The following PTCHD4 variants were observed in gnomAD, a reference collection of about 807,000 sequenced individuals.
PTCHD4 encodes patched domain-containing protein 4.
A neutral mutation model predicts 58.1 loss-of-function variants in PTCHD4; 33 were observed. The observed-to-expected ratio is 0.57, with a 90% confidence interval of 0.43 to 0.76. The LOEUF (loss-of-function observed/expected upper bound fraction) is 0.76, where lower values mean the gene tolerates loss of function less well. Among genes scored for constraint, PTCHD4 ranks in the 30% least tolerant of loss-of-function variants. The pLI, the probability that PTCHD4 is intolerant of heterozygous loss-of-function variation, is 0.00. For synonymous variants in PTCHD4, 478 were observed against 409.6 expected (o/e 1.17, Z -2.02); for missense variants, 1,058 against 1,027.1 (o/e 1.03, Z -0.41).
intron 4 of PTCHD4, among the ~76,000 whole-genome samples, chr6:47,993,603 T>C (rs1314661119): frequency 6.6e-6 from 1 of 152,162 alleles, no homozygotes; most frequent in Non-Finnish European, 1.5e-5. Context: ...AGGTGGACAA[T>C]GCAGACTGCT....
At chr6:48,108,770 A>G (rs1012718785) in intron 1 of PTCHD4, among the ~76,000 whole-genome samples, 16 of 152,022 alleles carry the variant, frequency 1.1e-4, no homozygotes, top group African/African-American at 3.9e-4. Context: ...ATATAGAGAG[A>G]ACGAATATAA....
chr6:48,070,102 C>T (rs1764946816), intron 1 of PTCHD4, among the ~76,000 whole-genome samples, 176 bp from the exon 2 acceptor site: 1 of 150,422 alleles, frequency 6.6e-6, no homozygotes, highest in Admixed American at 6.7e-5. Flanking sequence ...ACTTCAAAAA[C>T]TAATATTAAT....
intron 3 of PTCHD4, among the ~76,000 whole-genome samples, chr6:48,049,659 T>C (rs1002189184): frequency 6.6e-6 from 1 of 151,994 alleles, no homozygotes; most frequent in Non-Finnish European, 1.5e-5. Context: ...CTCCTATCCA[T>C]AGCAAGTAGT....
At chr6:47,963,460 T>C (rs1767174245) in intron 4 of PTCHD4, among the ~76,000 whole-genome samples, 2 of 152,224 alleles carry the variant, frequency 1.3e-5, no homozygotes, top group South Asian at 4.1e-4. Context: ...AACTACTATA[T>C]GATCCAGCAA....
chr6:48,106,560 C>G (rs1466737378), intron 1 of PTCHD4, among the ~76,000 whole-genome samples: 1 of 152,136 alleles, frequency 6.6e-6, no homozygotes, highest in Non-Finnish European at 1.5e-5. Flanking sequence ...GATGCCCTCT[C>G]TCACCACTCC....
chr6:48,083,423 T>C (rs1765202630), intron 1 of PTCHD4, among the ~76,000 whole-genome samples: 3 of 152,168 alleles, frequency 2.0e-5, no homozygotes, highest in Admixed American at 6.5e-5. Context: ...GGAATTCTTT[T>C]TGGGTAATCA....
chr6:47,952,045 G>T (rs1403056048), intron 4 of PTCHD4, among the ~76,000 whole-genome samples: 1 of 152,100 alleles, frequency 6.6e-6, no homozygotes, highest in Non-Finnish European at 1.5e-5. Context: ...TCAAATATAG[G>T]AGAGGACGGC....
chr6:48,047,076 AT>A (rs970793101), intron 3 of PTCHD4, among the ~76,000 whole-genome samples: 6 of 151,876 alleles, frequency 4.0e-5, no homozygotes, highest in East Asian at 1.9e-4. Context: ...CACCAGAATG[AT>A]TTTTTCCCCC....
intron 4 of PTCHD4, among the ~76,000 whole-genome samples, chr6:47,890,179 A>G (rs1488038984): frequency 6.6e-6 from 1 of 151,606 alleles, no homozygotes; most frequent in Admixed American, 6.6e-5. Flanking sequence ...ATATATGTAT[A>G]TTTGTCAATA....
intron 4 of PTCHD4, among the ~76,000 whole-genome samples, chr6:47,928,541 T>A (rs1333946575): frequency 6.6e-6 from 1 of 152,224 alleles, no homozygotes; most frequent in Non-Finnish European, 1.5e-5. Context: ...GGCCTACCAT[T>A]TAATTGACAT....
rs1403988729 is a variant in PTCHD4, at chr6:47,873,470, A to C, written c.*4833T>G. On this transcript the variant is annotated 3_prime_UTR_variant, in exon 5 of 5. Coordinates refer to ENST00000339488, the MANE Select transcript of PTCHD4 (RefSeq NM_001384253.1). ...CTAAGTTAAACGTGATGGTGGATTAATCTTGGTCCTTTAGTTGATAAATCA... is the reference window on the plus strand; with the variant it reads ...CTAAGTTAAACGTGATGGTGGATTACTCTTGGTCCTTTAGTTGATAAATCA... Among the ~76,000 whole-genome samples the C allele has an allele frequency of 6.6e-6, 1 of 151,648 alleles. No individual in the cohort carries two copies. Among genetic ancestry groups the C allele is most frequent in the Non-Finnish European group, 1.5e-5 (1 of 67,752 alleles).
intron 4 of PTCHD4, among the ~76,000 whole-genome samples, chr6:47,980,842 A>T (rs189551365): frequency 4.9e-4 from 75 of 151,812 alleles, no homozygotes; most frequent in African/African-American, 1.8e-3. Flanking sequence ...TTGTCAAATA[A>T]ATATATATAT....
At chr6:47,984,602 A>T (rs1309846316) in intron 4 of PTCHD4, among the ~76,000 whole-genome samples, 1 of 152,184 alleles carries the variant, frequency 6.6e-6, no homozygotes, top group African/African-American at 2.4e-5. Context: ...ATTAAAAATG[A>T]TTCTTTTAAA....
intron 4 of PTCHD4, among the ~76,000 whole-genome samples, chr6:47,937,714 T>C (rs76383006): frequency 0.035 from 5,383 of 151,920 alleles, 124 homozygotes; most frequent in South Asian, 0.082. Flanking sequence ...CAGAGATGAA[T>C]GGATATGGAA....
chr6:48,013,665 T>G (rs1762771124), intron 3 of PTCHD4, among the ~76,000 whole-genome samples: 1 of 152,124 alleles, frequency 6.6e-6, no homozygotes, highest in Non-Finnish European at 1.5e-5. Flanking sequence ...AAGCTTGGTA[T>G]AATTTTTAGC....
intron 4 of PTCHD4, among the ~76,000 whole-genome samples, chr6:47,976,153 T>A (rs1246786058): frequency 6.6e-6 from 1 of 152,222 alleles, no homozygotes; most frequent in African/African-American, 2.4e-5. Flanking sequence ...TCATTAGGTA[T>A]GATTTAGCAG....
At chr6:47,886,765 A>T (rs900500214) in intron 4 of PTCHD4, among the ~76,000 whole-genome samples, 4 of 152,234 alleles carry the variant, frequency 2.6e-5, no homozygotes, top group African/African-American at 9.6e-5. Flanking sequence ...ATGTGGGATC[A>T]TTTATCCATT....
chr6:47,996,742 C>G (rs139643117), intron 4 of PTCHD4, among the ~76,000 whole-genome samples: 1 of 152,160 alleles, frequency 6.6e-6, no homozygotes, highest in African/African-American at 2.4e-5. Context: ...TGAAGCTCCA[C>G]GCAAACATGA....
intron 1 of PTCHD4, among the ~76,000 whole-genome samples, chr6:48,104,246 T>G (rs974075398): frequency 4.6e-5 from 7 of 152,158 alleles, no homozygotes; most frequent in African/African-American, 7.2e-5. Context: ...GACTAACAGC[T>G]GATCTCTCGG....
Sources: allele counts gnomAD v4.1 joint callset (sites outside exome capture counted in the v4.1 genomes callset), GRCh38; gene constraint gnomAD v4.1.1; transcripts MANE v1.5; gene names NCBI Gene and HGNC (gene_info 2026-07-23, HGNC 2026-07-21).